The following MICU1 variants were observed in gnomAD, a reference collection of about 807,000 sequenced individuals.
The protein encoded by MICU1 is calcium uptake protein 1, mitochondrial.
In MICU1, 45 loss-of-function variants were observed where a neutral mutation model predicts 56.8. The ratio of observed to expected loss-of-function variants is 0.79; its 90% CI spans 0.62 to 1.02. The LOEUF (loss-of-function observed/expected upper bound fraction) is 1.02. Among genes scored for constraint, MICU1 ranks in the 50% least tolerant of loss-of-function variants. The pLI is 0.00. For synonymous variants in MICU1, 186 were observed against 195.1 expected (o/e 0.95, Z 0.39); for missense variants, 504 against 587.1 (o/e 0.86, Z 1.46).
rs752438042 is a variant in MICU1 at position 72,417,470 on chromosome 10, A to AG, written c.1071+5763_1071+5764insC. On this transcript the variant is annotated intron_variant, in intron 9 of 11. Transcript: ENST00000361114. ...CTCCGTCTCAAAAAAAAAAAAAAAA[A>AG]AAAGAAATATAGTTGTAAGGATAAG... Among the ~76,000 whole-genome samples the AG allele has an allele frequency of 1.6e-3, 243 of 149,214 alleles. 5 individuals carry two copies. Among genetic ancestry groups the AG allele is most frequent in the Admixed American group, 2.4e-3 (36 of 15,062 alleles).
chr10:72,563,183 A>T, intron 2 of MICU1, 120 bp from the exon 3 acceptor site: 1 of 695,502 alleles, frequency 1.4e-6, no homozygotes, highest in Non-Finnish European at 2.1e-6. Flanking sequence ...TTCTACATGA[A>T]GAAGTTCCTC....
chr10:72,457,181 A>T (rs1183610341), intron 8 of MICU1, among the ~76,000 whole-genome samples: 1 of 150,868 alleles, frequency 6.6e-6, no homozygotes, highest in African/African-American at 2.4e-5. Context: ...CTCTAATTTT[A>T]GAAGGAGTGG....
chr10:72,469,304 C>T (rs569242718), intron 8 of MICU1, among the ~76,000 whole-genome samples: 1 of 152,220 alleles, frequency 6.6e-6, no homozygotes, highest in Admixed American at 6.5e-5. Context: ...TCTCCTGGAT[C>T]TGAAGTTTTA....
At chr10:72,433,504 T>C (rs2132163249) in intron 8 of MICU1, among the ~76,000 whole-genome samples, 1 of 151,860 alleles carries the variant, frequency 6.6e-6, no homozygotes, top group Non-Finnish European at 1.5e-5. Context: ...CTCAGTTCAC[T>C]GCAAGCTCCG....
intron 9 of MICU1, among the ~76,000 whole-genome samples, chr10:72,409,289 T>G (rs1863730201): frequency 1.3e-5 from 2 of 152,230 alleles, no homozygotes; most frequent in Admixed American, 1.3e-4. Context: ...GCCCAGGAAC[T>G]CACATCAGGA....
At chr10:72,444,963 A>C (rs1865063258) in intron 8 of MICU1, among the ~76,000 whole-genome samples, 1 of 152,216 alleles carries the variant, frequency 6.6e-6, no homozygotes, top group Non-Finnish European at 1.5e-5. Context: ...TAGAATTGGT[A>C]ATTATTCCCA....
chr10:72,526,712 T>C (rs1451918781), intron 5 of MICU1, among the ~76,000 whole-genome samples: 1 of 152,124 alleles, frequency 6.6e-6, no homozygotes, highest in Non-Finnish European at 1.5e-5. Context: ...TAATAAATTG[T>C]TTAGTTTATA....
intron 9 of MICU1, among the ~76,000 whole-genome samples, chr10:72,422,859 G>A (rs1266249112): frequency 1.0e-4 from 4 of 39,440 alleles, no homozygotes; most frequent in Middle Eastern, 0.011. Flanking sequence ...ATGGGCACGC[G>A]CCACCATGCC....
intron 3 of MICU1, among the ~76,000 whole-genome samples, chr10:72,561,099 C>A (rs1840285320): frequency 6.6e-6 from 1 of 152,140 alleles, no homozygotes; most frequent in South Asian, 2.1e-4. Context: ...AGCTCTTCCT[C>A]TGAAACTTCA....
intron 5 of MICU1, among the ~76,000 whole-genome samples, chr10:72,525,326 T>A (rs1867931961): frequency 6.6e-6 from 1 of 152,166 alleles, no homozygotes; most frequent in African/African-American, 2.4e-5. Flanking sequence ...ATATTTACCA[T>A]CCTATTCTAA....
intron 10 of MICU1, among the ~76,000 whole-genome samples, chr10:72,393,277 C>A (rs1863138614): frequency 6.6e-6 from 1 of 151,980 alleles, no homozygotes; most frequent in Admixed American, 6.6e-5. Flanking sequence ...AACACATAAA[C>A]CTGAGAAAAT....
intron 5 of MICU1, among the ~76,000 whole-genome samples, chr10:72,528,270 C>T (rs1489261828): frequency 1.3e-5 from 2 of 152,294 alleles, no homozygotes; most frequent in African/African-American, 2.4e-5. Context: ...CAAGGAAATA[C>T]TTTTATTCTC....
At chr10:72,530,335 A>AAATAATAATAATAAT (rs372087915) in intron 5 of MICU1, among the ~76,000 whole-genome samples, 54 of 64,936 alleles carry the variant, frequency 8.3e-4, no homozygotes, top group East Asian at 1.7e-3. Flanking sequence ...CTCCATATCA[A>AAATAATAATAATAAT]AATAATAATA....
At chr10:72,442,780 C>T (rs778109854) in intron 8 of MICU1, among the ~76,000 whole-genome samples, 21 of 152,042 alleles carry the variant, frequency 1.4e-4, no homozygotes, top group Admixed American at 3.3e-4. Flanking sequence ...TTTTTTGAGA[C>T]GGAGTCTTGC....
At position 72,460,340 on chromosome 10, in the gene MICU1, G is replaced by GCT. The variant is rs112684032; in HGVS notation, c.933+14758_933+14759dup. ...TGTACTTTTGTTTTTATTTTGCACA[G>GCT]CTCTCTCTCTCTCTCCCACTCTCTC... On this transcript the variant is annotated intron_variant, in intron 8 of 11. Coordinates refer to ENST00000361114, the MANE Select transcript of MICU1 (RefSeq NM_001195518.2). Among the ~76,000 whole-genome samples the GCT allele has an allele frequency of 7.9e-3, 1,188 of 151,138 alleles. 14 individuals are homozygous for GCT. Among genetic ancestry groups the GCT allele is most frequent in the African/African-American group, 0.027 (1,108 of 41,222 alleles).
chr10:72,491,033 C>A (rs746282254), intron 6 of MICU1, among the ~76,000 whole-genome samples: 5 of 152,232 alleles, frequency 3.3e-5, no homozygotes, highest in Admixed American at 6.5e-5. Flanking sequence ...AATTATGAAC[C>A]GGGACAGTCC....
At chr10:72,386,328 C>CTATT (rs1862886377) in intron 10 of MICU1, among the ~76,000 whole-genome samples, 1 of 152,030 alleles carries the variant, frequency 6.6e-6, no homozygotes, top group Non-Finnish European at 1.5e-5. Context: ...ATTACAGGTG[C>CTATT]CCACCACCAC....
At chr10:72,451,347 T>A (rs2132213094) in intron 8 of MICU1, among the ~76,000 whole-genome samples, 1 of 152,202 alleles carries the variant, frequency 6.6e-6, no homozygotes, top group Non-Finnish European at 1.5e-5. Context: ...GTTTTTAATA[T>A]CATCTCTTCT....
chr10:72,368,194 G>A lies in MICU1; in HGVS notation c.*1C>T. 2 of 1,611,328 alleles carry A rather than the reference G, an allele frequency of 1.2e-6. No homozygotes were observed. The highest frequency in any genetic ancestry group is 1.7e-6 in the Non-Finnish European group (2 of 1,178,654). On this transcript the variant is annotated 3_prime_UTR_variant, in exon 12 of 12. Coordinates refer to ENST00000361114, the MANE Select transcript of MICU1 (RefSeq NM_001195518.2). ...GAGGGGTCCCCTCTTGCAGTGTGGG[G>A]TTACTGTTTGGGTAAAGCGAAGTCC...
Sources: gnomAD v4.1 joint callset for allele counts (sites outside exome capture counted in the v4.1 genomes callset) on GRCh38, gnomAD v4.1.1 for gene constraint, MANE v1.5 for transcripts, NCBI Gene and HGNC (gene_info 2026-07-23, HGNC 2026-07-21) for gene names.